The following NCOA3 variants were observed in gnomAD, a reference collection of about 807,000 sequenced individuals.
NCOA3 encodes CBP-interacting protein.
In NCOA3, 51 loss-of-function variants were observed where a neutral mutation model predicts 158.8. The observed-to-expected ratio is 0.32, with a 90% CI of 0.26 to 0.41. NCOA3 has a LOEUF of 0.41. Among genes scored for constraint, NCOA3 ranks in the 10% least tolerant of loss-of-function variants. The pLI is 1.00. For synonymous variants in NCOA3, 537 were observed against 592.4 expected (o/e 0.91, Z 1.36); for missense variants, 1,510 against 1,746.6 (o/e 0.86, Z 2.41).
chr20:47,641,295 A>G (rs1602530949), intron 16 of NCOA3, among the ~76,000 whole-genome samples: 1 of 150,648 alleles, frequency 6.6e-6, no homozygotes, highest in East Asian at 1.9e-4. Context: ...GTATTTCTCC[A>G]GACTCACGTC....
At chr20:47,640,847 C>T (rs982084817) in intron 16 of NCOA3, among the ~76,000 whole-genome samples, 1 of 151,578 alleles carries the variant, frequency 6.6e-6, no homozygotes, top group African/African-American at 2.4e-5. Context: ...GAGATTATGC[C>T]ACTGCACCCC....
At chr20:47,522,714 C>T (rs2084363515) in intron 1 of NCOA3, among the ~76,000 whole-genome samples, 1 of 151,876 alleles carries the variant, frequency 6.6e-6, no homozygotes, top group South Asian at 2.1e-4. Flanking sequence ...GTTCTACACA[C>T]GTGGGGATAT....
chr20:47,518,795 C>A (rs992618225), intron 1 of NCOA3, among the ~76,000 whole-genome samples: 1 of 152,120 alleles, frequency 6.6e-6, no homozygotes, highest in Non-Finnish European at 1.5e-5. Context: ...TGAATCCACG[C>A]TACCAATCAA....
At chr20:47,612,587 A>G (rs1349216987) in intron 2 of NCOA3, among the ~76,000 whole-genome samples, 1 of 152,226 alleles carries the variant, frequency 6.6e-6, no homozygotes, top group African/African-American at 2.4e-5. Context: ...TTTAGTATAA[A>G]GATCATTTTG....
intron 2 of NCOA3, among the ~76,000 whole-genome samples, chr20:47,613,278 T>C (rs1461651892): frequency 1.3e-5 from 2 of 152,112 alleles, no homozygotes; most frequent in African/African-American, 4.8e-5. Flanking sequence ...GTATGTTTTG[T>C]TTCTAAAAAC....
intron 1 of NCOA3, among the ~76,000 whole-genome samples, chr20:47,532,841 C>A (rs1473737019): frequency 6.6e-6 from 1 of 152,004 alleles, no homozygotes; most frequent in Non-Finnish European, 1.5e-5. Flanking sequence ...CGGTGGCTCA[C>A]ACCTGTAATC....
intron 1 of NCOA3, among the ~76,000 whole-genome samples, chr20:47,572,101 G>T (rs568689383): frequency 6.6e-6 from 1 of 152,238 alleles, no homozygotes; most frequent in South Asian, 2.1e-4. Flanking sequence ...CTTTTCTTCA[G>T]CTTCCTCAAC....
At chr20:47,622,458 G>C in intron 3 of NCOA3, 128 bp downstream of exon 3, 2 of 584,894 alleles carry the variant, frequency 3.4e-6, no homozygotes, top group Non-Finnish European at 5.9e-6. Context: ...GGTAAGTAGA[G>C]TGTTACTGAT....
intron 1 of NCOA3, among the ~76,000 whole-genome samples, chr20:47,528,361 ATAAT>A (rs1346695115): frequency 1.3e-5 from 2 of 152,208 alleles, no homozygotes; most frequent in African/African-American, 2.4e-5. Flanking sequence ...AAATGAATAA[ATAAT>A]TCCTTGTCTG....
intron 1 of NCOA3, among the ~76,000 whole-genome samples, chr20:47,505,146 C>T (rs111666134): frequency 0.066 from 9,646 of 145,136 alleles, 485 homozygotes; most frequent in Middle Eastern, 0.17. Flanking sequence ...ACTGCAACCT[C>T]TGCCTCCTGG....
intron 1 of NCOA3, among the ~76,000 whole-genome samples, chr20:47,503,058 A>G (rs1370354748): frequency 6.6e-6 from 1 of 152,194 alleles, no homozygotes; most frequent in Non-Finnish European, 1.5e-5. Context: ...CCTGTACGGT[A>G]AAGAAACAGG....
chr20:47,504,395 T>G (rs1471126966), intron 1 of NCOA3, among the ~76,000 whole-genome samples: 1 of 152,048 alleles, frequency 6.6e-6, no homozygotes, highest in Non-Finnish European at 1.5e-5. Flanking sequence ...TAAAAATGGT[T>G]GCTTACTAAT....
chr20:47,590,179 T>C (rs6066396), intron 2 of NCOA3, among the ~76,000 whole-genome samples: 10,281 of 152,192 alleles, frequency 0.068, 445 homozygotes, highest in Non-Finnish European at 0.097. Flanking sequence ...ATCATTATAT[T>C]GTTCTTAATT....
At chr20:47,607,688 A>G (rs962378518) in intron 2 of NCOA3, among the ~76,000 whole-genome samples, 14 of 152,110 alleles carry the variant, frequency 9.2e-5, no homozygotes, top group African/African-American at 3.4e-4. Context: ...TAGAGGAAAA[A>G]TTATTTTTTT....
chr20:47,562,983 C>T (rs1294653783), intron 1 of NCOA3, among the ~76,000 whole-genome samples: 1 of 152,168 alleles, frequency 6.6e-6, no homozygotes, highest in Non-Finnish European at 1.5e-5. Context: ...TGGCCTCAAG[C>T]AGTCCTCTCC....
At chr20:47,565,454 T>C (rs2425972) in intron 1 of NCOA3, among the ~76,000 whole-genome samples, 86,469 of 152,028 alleles carry the variant, frequency 0.57, 25,032 homozygotes, top group Middle Eastern at 0.7. Flanking sequence ...GTGACTCACA[T>C]CTGTAATCCC....
intron 2 of NCOA3, among the ~76,000 whole-genome samples, chr20:47,598,246 CAA>C (rs71183268): frequency 1.1e-4 from 9 of 84,508 alleles, no homozygotes; most frequent in Admixed American, 1.4e-4. Flanking sequence ...GACTCTGTCT[CAA>C]AAAAAAAAAA....
intron 1 of NCOA3, among the ~76,000 whole-genome samples, chr20:47,510,923 A>G (rs2084112697): frequency 6.6e-6 from 1 of 152,032 alleles, no homozygotes; most frequent in Non-Finnish European, 1.5e-5. Flanking sequence ...CCACTCTTCT[A>G]AGTCTTGAGG....
At position 47,635,624 on chromosome 20, in the gene NCOA3, G is replaced by A; in HGVS notation, c.1415G>A (p.Gly472Asp). ...AGTAGCCCCCCACATGGGAGTCCTG[G>A]TCTTGCCCCAAACCAGCAGAATATC... Reference protein sequence around the residue: ...NMSSPPHGSPGLAPNQQNIMI... With the variant: ...NMSSPPHGSPDLAPNQQNIMI... Residue 472 changes from glycine to aspartate, a missense_variant, in exon 11 of 23, where the codon GGT (glycine) becomes GAT (aspartate). By Grantham distance (94) the Gly-to-Asp change is moderately conservative. Around this residue, in one of 4 missense-constraint regions of NCOA3, gnomAD observed 1,017 missense variants for 1,098.3 expected, o/e 0.93. Coordinates refer to ENST00000371998, the MANE Select transcript of NCOA3 (RefSeq NM_181659.3). 6.2e-7 allele frequency: 1 copy of A among 1,614,160 alleles called. No individual in the cohort carries two copies. Among genetic ancestry groups the A allele is most frequent in the Non-Finnish European group, 8.5e-7 (1 of 1,180,036 alleles).
Sources: allele counts gnomAD v4.1 joint callset (sites outside exome capture counted in the v4.1 genomes callset), GRCh38; gene constraint gnomAD v4.1.1; regional missense constraint gnomAD v4.1.1; transcripts MANE v1.5; gene names NCBI Gene and HGNC (gene_info 2026-07-23, HGNC 2026-07-21).